The following C13orf42 variants were observed in gnomAD, a reference collection of about 807,000 sequenced individuals.
C13orf42 encodes the protein uncharacterized protein C13orf42.
In C13orf42 at chr13:51,084,120, G is replaced by A; in HGVS notation, c.*31C>T. 2.5e-6 allele frequency: 1 copy of A among 398,672 alleles called. No homozygotes were observed. The allele number at this position is 398,672 out of a possible 1,614,324, so 24.7% of individuals were successfully genotyped here. On this transcript the variant is annotated 3_prime_UTR_variant, in exon 4 of 4. Coordinates refer to ENST00000563710, the MANE Select transcript of C13orf42 (RefSeq NM_001351589.3). The stretch of plus-strand genomic sequence containing the variant: ...AAGCGGACAGCTTCTCAGGGACCCA[G>A]TCTGAGACACGTCAAGGAATCCAGA...
Position 51,124,742 on chromosome 13 carries a change from C to G in C13orf42, n.137-11520G>C, listed in dbSNP as rs573601960. Reference sequence around the variant, plus strand: ...CAGAGTTTCTTGAAAATTTTCGCAGCAGTTTCCTGGCAAATGTTAGAGAAC... The same window carrying G: ...CAGAGTTTCTTGAAAATTTTCGCAGGAGTTTCCTGGCAAATGTTAGAGAAC... On this transcript the variant is annotated intron_variant and non_coding_transcript_variant, in intron 1 of 4. Transcript: ENST00000433280. 4.6e-5 allele frequency among the ~76,000 whole-genome samples: 7 copies of G among 152,284 alleles called. No homozygotes were observed. In the South Asian group the frequency reaches 1.5e-3, roughly 32 times the overall value.
chr13:51,091,982 G>A (rs938294411), intron 1 of C13orf42, among the ~76,000 whole-genome samples: 1 of 152,172 alleles, frequency 6.6e-6, no homozygotes, highest in Non-Finnish European at 1.5e-5. Flanking sequence ...CAGGTAACGA[G>A]ACTCCATCCA....
chr13:51,123,745 A>T (rs1351632340), intron 1 of C13orf42, among the ~76,000 whole-genome samples: 1 of 152,250 alleles, frequency 6.6e-6, no homozygotes, highest in South Asian at 2.1e-4. Context: ...TTTGTCCCAC[A>T]TAATGGAAAC....
At chr13:51,127,487 T>C (rs1245408596) in intron 1 of C13orf42, among the ~76,000 whole-genome samples, 1 of 152,198 alleles carries the variant, frequency 6.6e-6, no homozygotes, top group African/African-American at 2.4e-5. Context: ...ACTACCCTGC[T>C]TCTCTGTGTG....
At chr13:51,094,707 C>T (rs773831250) in intron 1 of C13orf42, among the ~76,000 whole-genome samples, 2 of 152,182 alleles carry the variant, frequency 1.3e-5, no homozygotes, top group Non-Finnish European at 2.9e-5. Context: ...CTAACAAATA[C>T]TTCTTTTGCT....
At position 51,088,428 on chromosome 13, in the gene C13orf42, G is replaced by T. The variant is rs188723976; in HGVS notation, c.415-353C>A. Among the ~76,000 whole-genome samples, 11 of 152,320 alleles carry T rather than the reference G, an allele frequency of 7.2e-5. 1 individual carries two copies. Among genetic ancestry groups the T allele is most frequent in the African/African-American group, 2.2e-4 (9 of 41,578 alleles). On this transcript the variant is annotated intron_variant, in intron 1 of 3. Transcript: ENST00000563710. Reference sequence around the variant, plus strand: ...GGAGATTGTACAGTTCCTTAAGTAGGTGGTGAGACGCTCACCACAGGAAAG... The same window carrying T: ...GGAGATTGTACAGTTCCTTAAGTAGTTGGTGAGACGCTCACCACAGGAAAG...
intron 1 of C13orf42, among the ~76,000 whole-genome samples, chr13:51,121,660 C>T (rs1274198879): frequency 2.0e-5 from 3 of 151,846 alleles, no homozygotes; most frequent in South Asian, 2.1e-4. Context: ...CTCAGGCTCC[C>T]GAGTAGCTGG....
chr13:51,102,935 A>G (rs749167561), intron 1 of C13orf42, among the ~76,000 whole-genome samples: 5 of 152,204 alleles, frequency 3.3e-5, no homozygotes, highest in Non-Finnish European at 7.3e-5. Context: ...TGATCCCATG[A>G]GAACTCCCTC....
chr13:51,097,588 T>A (rs1451979101), intron 1 of C13orf42, among the ~76,000 whole-genome samples: 3 of 152,302 alleles, frequency 2.0e-5, no homozygotes, highest in Admixed American at 6.5e-5. Flanking sequence ...CAGAGATTCC[T>A]TCAGGGCTCA....
intron 1 of C13orf42, among the ~76,000 whole-genome samples, chr13:51,107,256 T>C (rs1953367852): frequency 6.6e-6 from 1 of 152,214 alleles, no homozygotes; most frequent in African/African-American, 2.4e-5. Flanking sequence ...ATGAAAGCCA[T>C]ATGTCTTGAT....
intron 1 of C13orf42, among the ~76,000 whole-genome samples, chr13:51,128,476 G>C (rs1035275490): frequency 3.3e-5 from 5 of 152,170 alleles, no homozygotes; most frequent in African/African-American, 7.2e-5. Context: ...TAAAGGATGG[G>C]ATTGGGTTAC....
intron 1 of C13orf42, among the ~76,000 whole-genome samples, chr13:51,141,881 T>C (rs1953699007): frequency 6.6e-6 from 1 of 152,214 alleles, no homozygotes; most frequent in South Asian, 2.1e-4. Context: ...AAGTAAAATC[T>C]TTAATAAATA....
intron 1 of C13orf42, among the ~76,000 whole-genome samples, chr13:51,167,256 CAA>C (rs1350334644): frequency 6.6e-6 from 1 of 152,090 alleles, no homozygotes; most frequent in Admixed American, 6.6e-5. Flanking sequence ...CACACACACT[CAA>C]ACACTCTCTC....
chr13:51,147,940 A>G (rs1953751277), intron 1 of C13orf42, among the ~76,000 whole-genome samples: 1 of 148,768 alleles, frequency 6.7e-6, no homozygotes, highest in African/African-American at 2.5e-5. Flanking sequence ...GAAGCCCCGG[A>G]TTAGGGGATC....
At chr13:51,111,823 T>TC (rs904484086), upstream of C13orf42, among the ~76,000 whole-genome samples, 27 of 151,168 alleles carry the variant, frequency 1.8e-4, no homozygotes, top group Non-Finnish European at 3.1e-4. Flanking sequence ...AGCTCGCAGA[T>TC]CCCCCCGATA....
chr13:51,136,197 G>A (rs1953656472), intron 1 of C13orf42, among the ~76,000 whole-genome samples: 1 of 152,168 alleles, frequency 6.6e-6, no homozygotes, highest in Admixed American at 6.5e-5. Flanking sequence ...GAGCTGGTCG[G>A]TGCTAGGCAC....
rs575086212 is a variant in C13orf42 at position 51,165,783 on chromosome 13, C to T, written n.136+6470G>A. Reference sequence around the variant, plus strand: ...ACATACAGTGGTTACAGATAGAAAACGAGAGGAGATTCTGCTGATCTCTTC... The same window carrying T: ...ACATACAGTGGTTACAGATAGAAAATGAGAGGAGATTCTGCTGATCTCTTC... On this transcript the variant is annotated intron_variant and non_coding_transcript_variant, in intron 1 of 4. Coordinates refer to the C13orf42 transcript ENST00000433280. Among the ~76,000 whole-genome samples the T allele has an allele frequency of 1.1e-4, 17 of 152,210 alleles. 1 individual carries two copies. In the South Asian group the frequency reaches 2.7e-3, roughly 24 times the overall value.
In C13orf42 at chr13:51,110,825, G is replaced by T; in HGVS notation, c.385C>A (p.Pro129Thr). ...SKSSKGGKKTPVRSTPKEIKK... is the reference protein window; with the variant it reads ...SKSSKGGKKTTVRSTPKEIKK... Reference sequence around the variant, plus strand: ...ATTTCTTTGGGAGTAGACCGGACAGGAGTCTTTTTCCCTCCCTTGGAGGAT... The same window carrying T: ...ATTTCTTTGGGAGTAGACCGGACAGTAGTCTTTTTCCCTCCCTTGGAGGAT... Residue 129 changes from proline (P) to threonine (T), a missense_variant, in exon 1 of 4, where the codon CCT becomes ACT. Pro to Thr is a conservative substitution (Grantham distance 38). Transcript: ENST00000563710. 2 of 398,670 alleles carry T rather than the reference G, an allele frequency of 5.0e-6. No individual in the cohort carries two copies. Among genetic ancestry groups the T allele is most frequent in the South Asian group, 1.3e-4 (1 of 7,852 alleles). The allele number at this position is 398,670 out of a possible 1,614,324, so 24.7% of individuals were successfully genotyped here. A position where few individuals can be genotyped will look rare whatever the true frequency, so the allele number is the denominator to read the frequency against.
chr13:51,134,715 C>T (rs956980496), intron 1 of C13orf42, among the ~76,000 whole-genome samples: 3 of 152,216 alleles, frequency 2.0e-5, no homozygotes, highest in African/African-American at 7.2e-5. Flanking sequence ...ATTTCTGTGA[C>T]TGCTTAGGGT....
Sources: allele counts gnomAD v4.1 joint callset (sites outside exome capture counted in the v4.1 genomes callset), GRCh38; gene constraint gnomAD v4.1.1; transcripts MANE v1.5; gene names NCBI Gene and HGNC (gene_info 2026-07-23, HGNC 2026-07-21).